Variants in WDR47 observed in about 807,000 individuals in gnomAD.
WDR47 encodes WD repeat-containing protein 47.
A neutral mutation model predicts 97.2 loss-of-function variants in WDR47; 32 were observed. That is an observed-to-expected ratio of 0.33 (90% confidence interval 0.25 to 0.44). The LOEUF (loss-of-function observed/expected upper bound fraction) is 0.44. Among genes scored for constraint, WDR47 ranks in the 20% least tolerant of loss-of-function variants. WDR47 has a pLI of 1.00. For synonymous variants in WDR47, 375 were observed against 373.5 expected, an observed-to-expected ratio of 1.00 and a Z score of -0.05; for missense variants, 782 against 1,102.3, an observed-to-expected ratio of 0.71 and a Z score of 4.11.
At chr1:109,020,239 T>TG (rs750331365) in intron 2 of WDR47, among the ~76,000 whole-genome samples, 1,986 of 143,236 alleles carry the variant, frequency 0.014, 29 homozygotes, top group Admixed American at 0.016. Flanking sequence ...TTAGTTGTTT[T>TG]TTTTTTTTTT....
intron 13 of WDR47, 110 bp from the exon 14 acceptor site, chr1:108,974,864 A>C (rs1192586092): frequency 3.7e-5 from 31 of 843,308 alleles, no homozygotes; most frequent in Non-Finnish European, 1.8e-6. Flanking sequence ...GTAGTTTATC[A>C]ATACTATTCA....
chr1:109,021,302 C>T (rs1056529865), intron 2 of WDR47, among the ~76,000 whole-genome samples: 1 of 152,004 alleles, frequency 6.6e-6, no homozygotes, highest in Non-Finnish European at 1.5e-5. Context: ...CCGAGGCAGG[C>T]AGATCACCTG....
intron 1 of WDR47, among the ~76,000 whole-genome samples, chr1:109,033,123 G>A (rs560272970): frequency 1.3e-5 from 2 of 151,786 alleles, no homozygotes; most frequent in African/African-American, 4.8e-5. Context: ...GTGAAACCCC[G>A]TCTCTACTAA....
rs572208557 is a variant in WDR47 at position 109,030,185 on chromosome 1, A to T, written c.-9-6664T>A. 124 of 1,491,670 alleles carry T rather than the reference A, an allele frequency of 8.3e-5. No homozygotes were observed. The African/African-American group carries it at 1.5e-3, about 18-fold the overall frequency. The allele number at this position is 1,491,670 out of a possible 1,614,324, so 92.4% of individuals were successfully genotyped here. A position where few individuals can be genotyped will look rare whatever the true frequency, so the allele number is the denominator to read the frequency against. ...TCATGGGTGTGAAATGCCCAGGATAATATAAATCACCACGGTCTTTAGCCA... is the reference window on the plus strand; with the variant it reads ...TCATGGGTGTGAAATGCCCAGGATATTATAAATCACCACGGTCTTTAGCCA... On this transcript the variant is annotated intron_variant, in intron 1 of 14. Transcript: ENST00000369962.
chr1:109,013,828 A>G lies in WDR47; in HGVS notation c.327+13T>C, dbSNP rs1188048073. On this transcript the variant is annotated intron_variant, in intron 4 of 14. Coordinates refer to ENST00000369962, the MANE Select transcript of WDR47 (RefSeq NM_001142551.2). ...AAGACTAGGGCGCAAACCTTCAGGAATAAAAATCTTACATGCTGGGGCTCA... is the reference window on the plus strand; with the variant it reads ...AAGACTAGGGCGCAAACCTTCAGGAGTAAAAATCTTACATGCTGGGGCTCA... 6.2e-7 allele frequency: 1 copy of G among 1,612,630 alleles called. No individual in the cohort carries two copies.
intron 3 of WDR47, 21 bp downstream of exon 3, chr1:109,017,497 A>C (rs1177471197): frequency 6.3e-7 from 1 of 1,591,504 alleles, no homozygotes; most frequent in Non-Finnish European, 8.6e-7. Context: ...GAGACACTAA[A>C]AACTTTAGAT....
intron 9 of WDR47, 136 bp downstream of exon 9, chr1:108,991,118 T>C: frequency 1.5e-6 from 1 of 654,942 alleles, no homozygotes; most frequent in Non-Finnish European, 2.5e-6. Context: ...GCTCAAGACA[T>C]TCTTCTGCCT....
intron 9 of WDR47, 51 bp from the exon 10 acceptor site, chr1:108,986,731 G>T (rs1658856826): frequency 2.2e-6 from 3 of 1,390,784 alleles, no homozygotes; most frequent in African/African-American, 1.5e-5. Flanking sequence ...GAATTTGAAA[G>T]AATTCATCTT....
At chr1:108,972,768 A>C (rs1657565188) in intron 14 of WDR47, among the ~76,000 whole-genome samples, 1 of 152,154 alleles carries the variant, frequency 6.6e-6, no homozygotes, top group African/African-American at 2.4e-5. Context: ...TAACATGGTG[A>C]AACTCTGTCT....
intron 4 of WDR47, among the ~76,000 whole-genome samples, chr1:109,012,176 A>G (rs1419494981): frequency 6.6e-6 from 1 of 152,126 alleles, no homozygotes. Flanking sequence ...GAAGCATGCC[A>G]ATGTTCAATT....
chr1:108,982,545 G>A, intron 12 of WDR47, 64 bp downstream of exon 12: 1 of 1,521,832 alleles, frequency 6.6e-7, no homozygotes, highest in East Asian at 2.3e-5. Context: ...AGAAAATGCA[G>A]AGAGGAAAAA....
chr1:109,030,536 T>C (rs141879395), intron 1 of WDR47, among the ~76,000 whole-genome samples: 6,436 of 152,154 alleles, frequency 0.042, 192 homozygotes, highest in Non-Finnish European at 0.058. Context: ...CTTATAGTTA[T>C]GACAAAAGTG....
chr1:109,026,747 T>G (rs998256333), intron 1 of WDR47, among the ~76,000 whole-genome samples: 1 of 152,318 alleles, frequency 6.6e-6, no homozygotes, highest in East Asian at 1.9e-4. Flanking sequence ...ATAGGCTTCA[T>G]ATTCAACATT....
intron 1 of WDR47, among the ~76,000 whole-genome samples, chr1:109,035,820 T>A (rs903456562): frequency 6.6e-6 from 1 of 151,662 alleles, no homozygotes; most frequent in Non-Finnish European, 1.5e-5. Context: ...TATCTTCTTT[T>A]TTTTTTTTTT....
At chr1:108,981,127 C>CAA (rs1244532285) in intron 13 of WDR47, among the ~76,000 whole-genome samples, 10 of 98,188 alleles carry the variant, frequency 1.0e-4, no homozygotes, top group Admixed American at 1.1e-4. Flanking sequence ...GATTCCATCT[C>CAA]AAAAAAAAAA....
intron 5 of WDR47, 92 bp downstream of exon 5, chr1:109,010,824 C>T: frequency 8.1e-7 from 1 of 1,239,114 alleles, no homozygotes; most frequent in Admixed American, 2.2e-5. Context: ...CCTTGTGATC[C>T]ACCCACCTCG....
intron 1 of WDR47, among the ~76,000 whole-genome samples, chr1:109,039,831 T>C (rs960089155): frequency 2.6e-5 from 4 of 151,260 alleles, no homozygotes; most frequent in Non-Finnish European, 4.4e-5. Flanking sequence ...AGGCTAGGAG[T>C]TCGAGACCAG....
At chr1:109,038,827 A>C (rs1329017436) in intron 1 of WDR47, among the ~76,000 whole-genome samples, 2 of 151,982 alleles carry the variant, frequency 1.3e-5, no homozygotes, top group East Asian at 1.9e-4. Flanking sequence ...AAATACAAAA[A>C]TTAGTCAAGT....
At chr1:109,026,943 T>C (rs186279220) in intron 1 of WDR47, among the ~76,000 whole-genome samples, 1 of 152,206 alleles carries the variant, frequency 6.6e-6, no homozygotes, top group African/African-American at 2.4e-5. Flanking sequence ...TATGTCCTAA[T>C]TAACTTAAAA....
Sources: allele counts gnomAD v4.1 joint callset (sites outside exome capture counted in the v4.1 genomes callset), GRCh38; gene constraint gnomAD v4.1.1; transcripts MANE v1.5; gene names NCBI Gene and HGNC (gene_info 2026-07-23, HGNC 2026-07-21).